Variants in ADGRA3 observed in about 807,000 individuals in gnomAD.
ADGRA3 encodes G-protein coupled receptor 125.
In ADGRA3, 56 loss-of-function variants were observed where a neutral mutation model predicts 119.8. The observed-to-expected ratio is 0.47, with a 90% CI of 0.38 to 0.58. ADGRA3 has a LOEUF of 0.58. Among genes scored for constraint, ADGRA3 ranks in the 20% least tolerant of loss-of-function variants. The pLI, the probability that ADGRA3 is intolerant of heterozygous loss-of-function variation, is 0.00. For synonymous variants in ADGRA3, 607 were observed against 623.8 expected, an observed-to-expected ratio of 0.97 and a Z score of 0.40; for missense variants, 1,516 against 1,649.0, an observed-to-expected ratio of 0.92 and a Z score of 1.40.
chr4:22,438,635 G>A (rs1483210789), intron 7 of ADGRA3, among the ~76,000 whole-genome samples: 1 of 151,934 alleles, frequency 6.6e-6, no homozygotes, highest in Non-Finnish European at 1.5e-5. Flanking sequence ...ACACAATCAG[G>A]GCAATAAGAG....
At chr4:22,439,140 G>T (rs1335695025) in intron 7 of ADGRA3, among the ~76,000 whole-genome samples, 1 of 152,060 alleles carries the variant, frequency 6.6e-6, no homozygotes, top group Non-Finnish European at 1.5e-5. Context: ...CATGAAAAAA[G>T]AAGATTATTA....
At chr4:22,389,349 G>A (rs1196969870) in intron 17 of ADGRA3, among the ~76,000 whole-genome samples, 166 bp from the exon 18 acceptor site, 26 of 152,138 alleles carry the variant, frequency 1.7e-4, no homozygotes, top group Admixed American at 1.6e-3. Flanking sequence ...TAGCAGTAAT[G>A]TGTTTTTATT....
chr4:22,450,936 GA>G (rs59216994), intron 4 of ADGRA3, among the ~76,000 whole-genome samples: 8,550 of 125,740 alleles, frequency 0.068, 289 homozygotes, highest in African/African-American at 0.11. Flanking sequence ...GGATATAACA[GA>G]AAAAAAAAAA....
intron 3 of ADGRA3, among the ~76,000 whole-genome samples, chr4:22,459,411 C>T (rs534624384): frequency 1.3e-5 from 2 of 151,782 alleles, no homozygotes; most frequent in South Asian, 4.2e-4. Flanking sequence ...GTGTAACAAA[C>T]CCCCATGGCA....
chr4:22,389,008 T>C (rs1277967904), intron 18 of ADGRA3, 61 bp from the exon 19 acceptor site: 13 of 1,600,376 alleles, frequency 8.1e-6, no homozygotes, highest in African/African-American at 6.7e-5. Context: ...ATCTACGAAA[T>C]TGCAATCACC....
intron 14 of ADGRA3, among the ~76,000 whole-genome samples, chr4:22,409,523 T>TGC (rs1262772227): frequency 1.3e-5 from 2 of 152,190 alleles, no homozygotes; most frequent in Non-Finnish European, 2.9e-5. Flanking sequence ...AACCTCTCTC[T>TGC]GCCTCAGTTT....
chr4:22,419,169 C>T (rs1715547975), intron 12 of ADGRA3, among the ~76,000 whole-genome samples: 1 of 151,638 alleles, frequency 6.6e-6, no homozygotes, highest in Non-Finnish European at 1.5e-5. Context: ...TAACTTCACA[C>T]ACCAGCATAT....
intron 1 of ADGRA3, among the ~76,000 whole-genome samples, chr4:22,514,916 C>T (rs1719586104): frequency 6.6e-6 from 1 of 152,240 alleles, no homozygotes; most frequent in South Asian, 2.1e-4. Flanking sequence ...AATATAAGCC[C>T]TCACAGACAC....
chr4:22,491,276 A>C (rs540953152), intron 1 of ADGRA3, among the ~76,000 whole-genome samples: 14 of 152,344 alleles, frequency 9.2e-5, no homozygotes, highest in Admixed American at 6.5e-4. Context: ...CAGACGGCAA[A>C]TACTTTGGGC....
chr4:22,513,431 C>G (rs942112934), intron 1 of ADGRA3, among the ~76,000 whole-genome samples: 1 of 151,908 alleles, frequency 6.6e-6, no homozygotes, highest in Non-Finnish European at 1.5e-5. Context: ...ACTAGGATTA[C>G]AGGCATGAGC....
chr4:22,453,168 TC>T (rs1265599313), intron 4 of ADGRA3, among the ~76,000 whole-genome samples: 112 of 135,806 alleles, frequency 8.2e-4, no homozygotes, highest in African/African-American at 3.2e-3. Flanking sequence ...GCCACTGCAC[TC>T]CAGCCTGGGC....
chr4:22,493,100 G>A (rs2109152442), intron 1 of ADGRA3, among the ~76,000 whole-genome samples: 1 of 152,242 alleles, frequency 6.6e-6, no homozygotes, highest in Admixed American at 6.5e-5. Context: ...AAGTAGCTGG[G>A]ACCACAAGTG....
Position 22,436,624 on chromosome 4 carries a change from G to A in ADGRA3, c.1103C>T (p.Ala368Val), listed in dbSNP as rs770277871. 1 of 1,613,990 alleles carries A rather than the reference G, an allele frequency of 6.2e-7. No homozygotes were observed. Among genetic ancestry groups the A allele is most frequent in the Non-Finnish European group, 8.5e-7 (1 of 1,179,902 alleles). The change falls in exon 9 of 19, where the codon GCA becomes GTA. Residue 368 changes from alanine (A) to valine (V), a missense_variant. Around this residue, in one of 2 missense-constraint regions of ADGRA3, gnomAD observed 428 missense variants for 541.9 expected, o/e 0.79. Coordinates refer to ENST00000334304, the MANE Select transcript of ADGRA3 (RefSeq NM_145290.4). ...ACACTGCAGATATGCAGTAATGCCT[G>A]CCAATGTTCTGGGCCATCTAGAGAT... is the stretch of plus-strand genomic sequence containing the variant. Reference protein sequence around the residue: ...KGDFRWPRTLAGITAYLQCTR... With the variant: ...KGDFRWPRTLVGITAYLQCTR...
intron 10 of ADGRA3, among the ~76,000 whole-genome samples, chr4:22,431,136 G>A (rs1716150846): frequency 6.6e-6 from 1 of 152,184 alleles, no homozygotes; most frequent in South Asian, 2.1e-4. Flanking sequence ...GAGTGCAGAA[G>A]GGAAATGTGG....
rs1717964772 is a variant in ADGRA3, at chr4:22,474,417, G to GATATATTTATCT, written c.258-575_258-574insAGATAAATATAT. 4.6e-5 allele frequency among the ~76,000 whole-genome samples: 7 copies of GATATATTTATCT among 152,206 alleles called. No individual in the cohort carries two copies. In the South Asian group the frequency reaches 8.3e-4, roughly 18 times the overall value. Reference sequence around the variant, plus strand: ...ATCATAATATATCTCATGCTTTTGGGCAATGTTTATCAAAATTAAATTGAA... The same window carrying GATATATTTATCT: ...ATCATAATATATCTCATGCTTTTGGGATATATTTATCTCAATGTTTATCAAAATTAAATTGAA... On this transcript the variant is annotated intron_variant, in intron 1 of 18. Coordinates refer to ENST00000334304, the MANE Select transcript of ADGRA3 (RefSeq NM_145290.4).
chr4:22,441,946 C>T (rs182051684), intron 7 of ADGRA3, among the ~76,000 whole-genome samples: 168 of 152,192 alleles, frequency 1.1e-3, no homozygotes, highest in African/African-American at 3.9e-3. Context: ...TTTCATAGCA[C>T]CCCTGTGAGT....
At chr4:22,513,080 A>G (rs1260385137) in intron 1 of ADGRA3, among the ~76,000 whole-genome samples, 1 of 151,784 alleles carries the variant, frequency 6.6e-6, no homozygotes, top group African/African-American at 2.4e-5. Flanking sequence ...AAACTGGCCC[A>G]TAAGACCCCT....
chr4:22,436,684 C>T (rs11938967), intron 8 of ADGRA3, 43 bp from the exon 9 acceptor site: 17 of 1,508,360 alleles, frequency 1.1e-5, no homozygotes, highest in Admixed American at 6.7e-5. Context: ...CTAAATGACA[C>T]GGGTACATCA....
At chr4:22,402,958 G>A in intron 14 of ADGRA3, among the ~76,000 whole-genome samples, 159 bp from the exon 15 acceptor site, 1 of 152,068 alleles carries the variant, frequency 6.6e-6, no homozygotes, top group East Asian at 1.9e-4. Context: ...TTCCTAACAT[G>A]TTACTTTGCT....
Sources: allele counts gnomAD v4.1 joint callset (sites outside exome capture counted in the v4.1 genomes callset), GRCh38; gene constraint gnomAD v4.1.1; regional missense constraint gnomAD v4.1.1; transcripts MANE v1.5; gene names NCBI Gene and HGNC (gene_info 2026-07-23, HGNC 2026-07-21).